The following SLC11A1 variants were observed in gnomAD, a reference collection of about 807,000 sequenced individuals.
SLC11A1 encodes natural resistance-associated macrophage protein 1.
A neutral mutation model predicts 63.2 loss-of-function variants in SLC11A1; 59 were observed. The ratio of observed to expected loss-of-function variants is 0.93; its 90% CI spans 0.76 to 1.16. The LOEUF (loss-of-function observed/expected upper bound fraction) is 1.16, where lower values mean the gene tolerates loss of function less well. SLC11A1 is among the 50% of genes most tolerant of loss of function. The pLI is 0.00. For synonymous variants in SLC11A1, 305 were observed against 307.8 expected (o/e 0.99, Z 0.09); for missense variants, 688 against 730.7 (o/e 0.94, Z 0.67).
intron 9 of SLC11A1, among the ~76,000 whole-genome samples, chr2:218,390,832 GTTC>G (rs1696387151): frequency 6.6e-6 from 1 of 152,010 alleles, no homozygotes; most frequent in African/African-American, 2.4e-5. Context: ...TGGAAACTGG[GTTC>G]TTATGCCAGG....
chr2:218,391,139 A>G (rs2106336022), intron 9 of SLC11A1, 59 bp from the exon 10 acceptor site: 1 of 1,490,024 alleles, frequency 6.7e-7, no homozygotes, highest in East Asian at 2.3e-5. Context: ...TAGGCAGTCC[A>G]GTTTCCCAAG....
intron 8 of SLC11A1, 84 bp from the exon 9 acceptor site, chr2:218,389,786 G>A (rs1234268676): frequency 4.2e-6 from 6 of 1,432,788 alleles, no homozygotes; most frequent in Non-Finnish European, 5.7e-6. Context: ...TGGGCTTTGG[G>A]GAGAACATAG....
In SLC11A1 at chr2:218,395,234, G is replaced by A. The variant is rs533944229; in HGVS notation, c.*199G>A. On this transcript the variant is annotated 3_prime_UTR_variant, in exon 15 of 15. Coordinates refer to ENST00000233202, the MANE Select transcript of SLC11A1 (RefSeq NM_000578.4). Reference sequence around the variant, plus strand: ...TCAGTGTCCTCATCTGTAAAATGGAGACACCACCACCCTTGCCATGGAGGT... The same window carrying A: ...TCAGTGTCCTCATCTGTAAAATGGAAACACCACCACCCTTGCCATGGAGGT... 6.9e-6 allele frequency: 4 copies of A among 580,756 alleles called. No homozygotes were observed. The East Asian group carries it at 1.1e-4, about 16-fold the overall frequency. 36.0% of individuals were successfully genotyped at this position (580,756 alleles called of 1,614,324 possible).
rs1695886961 is a variant in SLC11A1 at position 218,383,026 on chromosome 2, C to G, written c.74C>G (p.Thr25Ser). The G allele has an allele frequency of 6.2e-7, 1 of 1,613,620 alleles. No individual in the cohort carries two copies. The highest frequency in any genetic ancestry group is 8.5e-7 in the Non-Finnish European group (1 of 1,179,942). Reference protein sequence around the residue: ...YGSISSPTSPTSPGPQQAPPR... With the variant: ...YGSISSPTSPSSPGPQQAPPR... ...TCCATCTCCAGCCCGACCAGCCCGA[C>G]CAGCCCAGGGCCACAGCAAGCACCT... Residue 25 changes from threonine to serine, a missense_variant, in exon 2 of 15, where the codon ACC becomes AGC. By Grantham distance (58) the Thr-to-Ser change is moderately conservative. Coordinates refer to ENST00000233202, the MANE Select transcript of SLC11A1 (RefSeq NM_000578.4).
chr2:218,389,894 C>T lies in SLC11A1; in HGVS notation c.820C>T (p.Arg274Ter), dbSNP rs572756670. 6.0e-5 allele frequency: 96 copies of T among 1,613,120 alleles called. No homozygotes were observed. Among genetic ancestry groups the T allele is most frequent in the Non-Finnish European group, 6.8e-5 (80 of 1,179,442 alleles). Reference protein sequence around the residue: ...VKSREIDRARRADIREANMYF... With the variant: ...VKSREIDRAR ...GTCTCGAGAGATAGACCGGGCCCGC[C>T]GAGCAGACATCAGAGAAGCCAACAT... The change falls in exon 9 of 15, where the codon CGA (arginine) becomes TGA (stop). Residue 274 changes from arginine to a stop codon, truncating the protein, a stop_gained. Coordinates refer to ENST00000233202, the MANE Select transcript of SLC11A1 (RefSeq NM_000578.4). LOFTEE classifies it high-confidence loss of function.
intron 11 of SLC11A1, chr2:218,392,057 TTTC>T (rs1203780118): frequency 1.6e-5 from 6 of 383,952 alleles, no homozygotes; most frequent in Non-Finnish European, 3.1e-5. Flanking sequence ...CGTCCGGCCT[TTTC>T]TTTTCTTTCT....
rs751137810 is a variant in SLC11A1, at chr2:218,387,942, C to T, written c.782C>T (p.Ser261Leu). The change falls in exon 8 of 15, where the codon TCG (serine) becomes TTG (leucine). Residue 261 changes from serine to leucine, a missense_variant. By Grantham distance (145) the Ser-to-Leu change is moderately radical (BLOSUM62 -2). Transcript: ENST00000233202. ...IIMPHNIYLHSALVKSREIDR... is the reference protein window; with the variant it reads ...IIMPHNIYLHLALVKSREIDR... ...ATGCCCCACAACATCTACCTGCACT[C>T]GGCCCTGGTCAAGGTGAGCAGAGGG... The T allele has an allele frequency of 6.2e-7, 1 of 1,607,958 alleles. No individual in the cohort carries two copies. Among genetic ancestry groups the T allele is most frequent in the Non-Finnish European group, 8.5e-7 (1 of 1,177,000 alleles).
At position 218,395,947 on chromosome 2, in the gene SLC11A1, C is replaced by T; in HGVS notation, c.*912C>T. 1 of 152,438 alleles carries T rather than the reference C, an allele frequency of 6.6e-6. No individual in the cohort carries two copies. The highest frequency in any genetic ancestry group is 1.9e-4 in the East Asian group (1 of 5,338). The allele number at this position is 152,438 out of a possible 1,614,324, so 9.4% of individuals were successfully genotyped here. A position where few individuals can be genotyped will look rare whatever the true frequency, so the allele number is the denominator to read the frequency against. On this transcript the variant is annotated 3_prime_UTR_variant, in exon 15 of 15. Coordinates refer to ENST00000233202, the MANE Select transcript of SLC11A1 (RefSeq NM_000578.4). ...GTAAAACGGCGGCGCACTTCTTTCT[C>T]CGTCAGGCACCAGGTCATAAGGAAC...
In SLC11A1 at chr2:218,396,407, G is replaced by A. The variant is rs991415122; in HGVS notation, c.*1372G>A. On this transcript the variant is annotated 3_prime_UTR_variant, in exon 15 of 15. Coordinates refer to ENST00000233202, the MANE Select transcript of SLC11A1 (RefSeq NM_000578.4). ...CCTGCGGAGGGCCGCAGCGAGGAGA[G>A]GCCAACAGGCCTTTCCCTAGAGTTG... The A allele has an allele frequency of 2.0e-5, 3 of 152,432 alleles. No homozygotes were observed. The highest frequency in any genetic ancestry group is 7.2e-5 in the African/African-American group (3 of 41,474). The allele number at this position is 152,432 out of a possible 1,614,324, so 9.4% of individuals were successfully genotyped here. A position where few individuals can be genotyped will look rare whatever the true frequency, so the allele number is the denominator to read the frequency against.
chr2:218,391,495 G>T lies in SLC11A1; in HGVS notation c.1164G>T (p.Glu388Asp), dbSNP rs762594408. Residue 388 changes from glutamate (E) to aspartate (D), a missense_variant and splice_region_variant, in exon 11 of 15, where the codon GAG (glutamate) becomes GAT (aspartate). Glu to Asp is a conservative substitution (Grantham distance 45, BLOSUM62 2). Transcript: ENST00000233202. ...CCTACGCGGGACAGTTCGTGATGGA[G>T]GTAGGGCAGGGGGCGGGCCCAGGAG... Reference protein sequence around the residue: ...TGTYAGQFVMEGFLRLRWSRF... With the variant: ...TGTYAGQFVMDGFLRLRWSRF... 6.9e-6 allele frequency: 11 copies of T among 1,586,044 alleles called. No homozygotes were observed. The highest frequency in any genetic ancestry group is 1.3e-5 in the African/African-American group (1 of 74,262).
chr2:218,394,097 T>G (rs771540097), intron 12 of SLC11A1, 23 bp from the exon 13 acceptor site: 4 of 1,613,704 alleles, frequency 2.5e-6, no homozygotes, highest in Non-Finnish European at 3.4e-6. Context: ...TTCCTCAGCC[T>G]AGGCTCCTGC....
intron 9 of SLC11A1, among the ~76,000 whole-genome samples, chr2:218,390,977 T>C (rs1696398091): frequency 1.3e-5 from 2 of 150,120 alleles, no homozygotes; most frequent in South Asian, 4.3e-4. Flanking sequence ...AGCCCGGGAG[T>C]TCAAGACCAA....
intron 1 of SLC11A1, 143 bp from the exon 2 acceptor site, chr2:218,382,817 G>A (rs1193188493): frequency 8.8e-6 from 8 of 905,370 alleles, no homozygotes; most frequent in South Asian, 1.5e-5. Flanking sequence ...TGTTTGAGAG[G>A]TGGAGGTGAT....
In SLC11A1 at chr2:218,382,379, A is replaced by T; in HGVS notation, c.7+4A>T. The T allele has an allele frequency of 1.9e-6, 3 of 1,613,412 alleles. No individual in the cohort carries two copies. Among genetic ancestry groups the T allele is most frequent in the Non-Finnish European group, 2.5e-6 (3 of 1,179,542 alleles). On this transcript the variant is annotated splice_donor_region_variant and intron_variant, in intron 1 of 14. Transcript: ENST00000233202. The stretch of plus-strand genomic sequence containing the variant: ...GAAGTCGGCATTTCAATGACAGGTG[A>T]GTAGTGGCCCCTAGGGACAGAGCCT...
Position 218,384,347 on chromosome 2 carries a change from C to T in SLC11A1, c.255C>T (p.Gly85=), listed in dbSNP as rs750361146. 8.7e-6 allele frequency: 14 copies of T among 1,604,076 alleles called. No homozygotes were observed. In the Admixed American group the frequency reaches 1.8e-4, roughly 21 times the overall value. The change falls in exon 3 of 15, where the codon GGC becomes GGT. Residue 85 remains glycine, a synonymous_variant. Coordinates refer to ENST00000233202, the MANE Select transcript of SLC11A1 (RefSeq NM_000578.4). This position sits in a 1 kb window ranked among gnomAD's most constrained non-coding sequence, Gnocchi z 4.0. ...PGNIESDLQA[G]AVAGFKLLWV... ...ACATCGAGTCAGATCTTCAGGCTGG[C>T]GCCGTGGCGGGATTCAAAGTAACTA...
At chr2:218,385,379 GT>G in intron 4 of SLC11A1, 113 bp downstream of exon 4, 1 of 1,472,652 alleles carries the variant, frequency 6.8e-7, no homozygotes, top group Non-Finnish European at 9.4e-7. Flanking sequence ...TCCCAAGTCT[GT>G]TTGTTTTTGT....
intron 11 of SLC11A1, chr2:218,391,975 C>T (rs1479620274): frequency 3.6e-6 from 1 of 275,990 alleles, no homozygotes; most frequent in Non-Finnish European, 7.3e-6. Flanking sequence ...CCAGGCTGGT[C>T]TCAAACTCTT....
chr2:218,387,286 G>A, intron 6 of SLC11A1, 56 bp downstream of exon 6: 1 of 1,512,188 alleles, frequency 6.6e-7, no homozygotes, highest in Non-Finnish European at 9.1e-7. Context: ...GCTGTACTGG[G>A]AGAAGGGCTC....
At chr2:218,392,083 T>C (rs534741971) in intron 11 of SLC11A1, 4 of 403,878 alleles carry the variant, frequency 9.9e-6, no homozygotes, top group South Asian at 7.0e-5. Context: ...CTTTCCTTTT[T>C]TTTGAGACGG....
Sources: gnomAD v4.1 joint callset for allele counts (sites outside exome capture counted in the v4.1 genomes callset) on GRCh38, gnomAD v4.1.1 for gene constraint, Gnocchi (gnomAD v3.1) non-coding constraint, MANE v1.5 for transcripts, NCBI Gene and HGNC (gene_info 2026-07-23, HGNC 2026-07-21) for gene names.